Variants in GRM6 observed in about 807,000 individuals in gnomAD.
GRM6 encodes the protein metabotropic glutamate receptor 6.
Under a neutral mutation model 78.4 loss-of-function variants are expected in GRM6, and 73 were observed. That is an observed-to-expected ratio of 0.93 (90% CI 0.77 to 1.13). GRM6 has a LOEUF of 1.13. Among genes scored for constraint, GRM6 ranks in the 50% most tolerant of loss-of-function variants. The pLI, the probability that GRM6 is intolerant of heterozygous loss-of-function variation, is 0.00. For synonymous variants in GRM6, 580 were observed against 555.0 expected (o/e 1.05, Z -0.63); for missense variants, 1,251 against 1,256.4 (o/e 1.00, Z 0.07).
chr5:178,983,423 C>T lies in GRM6; in HGVS notation c.2125-202G>A, dbSNP rs145869818. On this transcript the variant is annotated intron_variant, in intron 9 of 10. Transcript: ENST00000517717. Reference sequence around the variant, plus strand: ...AGGCAGGGGCAGCCCAAGAGGGGTCCGTCCAAAGGCCCGTGACCTGGCAGC... The same window carrying T: ...AGGCAGGGGCAGCCCAAGAGGGGTCTGTCCAAAGGCCCGTGACCTGGCAGC... 1.2e-3 allele frequency: 865 copies of T among 701,758 alleles called. 6 individuals are homozygous for T. The African/African-American group carries it at 0.013, about 11-fold the overall frequency. 43.5% of individuals were successfully genotyped at this position (701,758 alleles called of 1,614,324 possible).
rs150290493 is a variant in GRM6 at position 178,986,432 on chromosome 5, C to T, written c.1822G>A (p.Val608Met). The change falls in exon 9 of 11, where the codon GTG (valine) becomes ATG (methionine). Residue 608 changes from valine to methionine, a missense_variant. Transcript: ENST00000517717. ...VATTTVVATF[V>M]RYNNTPIVRA... ...ACGATGGGCGTGTTGTTGTACCGCA[C>T]GAAGGTGGCCACCACCGTGGTAGTG... 1.9e-5 allele frequency: 31 copies of T among 1,613,296 alleles called. No individual in the cohort carries two copies. The highest frequency in any genetic ancestry group is 9.3e-5 in the African/African-American group (7 of 74,938).
At position 178,983,118 on chromosome 5, in the gene GRM6, T is replaced by G. The variant is rs144700270; in HGVS notation, c.2228A>C (p.Lys743Thr). The change falls in exon 10 of 11, where the codon AAG (lysine) becomes ACG (threonine). Residue 743 changes from lysine (K) to threonine (T), a missense_variant. Lys to Thr is a moderately conservative substitution (Grantham distance 78). Coordinates refer to ENST00000517717, the MANE Select transcript of GRM6 (RefSeq NM_000843.4). ...GAGAGACAGATCCGACATGTCGCAC[T>G]TGAGCACCCCTCTGGCCTGCTCGGG... is the stretch of plus-strand genomic sequence containing the variant. ...VDPEQARGVL[K>T]CDMSDLSLIG... 2.5e-6 allele frequency: 4 copies of G among 1,614,082 alleles called. No individual in the cohort carries two copies. The highest frequency in any genetic ancestry group is 2.7e-5 in the African/African-American group (2 of 75,034).
intron 9 of GRM6, chr5:178,983,432 G>T (rs773163025): frequency 1.0e-5 from 7 of 699,938 alleles, no homozygotes; most frequent in South Asian, 9.0e-5. Context: ...CCGTCCAAAG[G>T]CCCGTGACCT....
intron 4 of GRM6, 53 bp from the exon 5 acceptor site, chr5:178,990,799 G>A (rs762645922): frequency 8.4e-6 from 12 of 1,436,050 alleles, no homozygotes; most frequent in South Asian, 2.5e-5. Flanking sequence ...CCTCCAGCTC[G>A]GCCCCCATCC....
chr5:178,981,182 TG>T lies in GRM6; in HGVS notation c.*474del. The T allele has an allele frequency of 5.6e-6, 1 of 179,796 alleles. No homozygotes were observed. Among genetic ancestry groups the T allele is most frequent in the Admixed American group, 5.4e-5 (1 of 18,362 alleles). The allele number at this position is 179,796 out of a possible 1,614,324, so 11.1% of individuals were successfully genotyped here. On this transcript the variant is annotated 3_prime_UTR_variant, in exon 11 of 11. Coordinates refer to ENST00000517717, the MANE Select transcript of GRM6 (RefSeq NM_000843.4). This position sits in a 1 kb window ranked among gnomAD's most constrained non-coding sequence, Gnocchi z 5.1. ...CCAGGCCTGAGTGCCTCCATCCAGA[TG>T]CACAGCCCCAGGTCTCCTCTTGCTG...
intron 6 of GRM6, 54 bp downstream of exon 6, chr5:178,989,211 A>AGCCCCCCCCCCC: frequency 8.2e-6 from 1 of 121,720 alleles, no homozygotes; most frequent in Non-Finnish European, 1.3e-5. Context: ...CCCCCTCCCC[A>AGCCCCCCCCCCC]CCCTCACCAC....
chr5:178,992,156 C>A lies in GRM6; in HGVS notation c.505-73G>T. On this transcript the variant is annotated intron_variant, in intron 2 of 10. Coordinates refer to ENST00000517717, the MANE Select transcript of GRM6 (RefSeq NM_000843.4). The surrounding 1 kb of genome is among the most constrained non-coding windows in gnomAD (Gnocchi z 4.9). ...CAAGAGAGGGAGGGTAAGGGGGGCC[C>A]AGGACACGGACGGGGCACAGAAGGT... is the stretch of plus-strand genomic sequence containing the variant. 1 of 1,006,420 alleles carries A rather than the reference C, an allele frequency of 9.9e-7. No homozygotes were observed. Among genetic ancestry groups the A allele is most frequent in the Non-Finnish European group, 1.5e-6 (1 of 647,226 alleles). 62.3% of individuals were successfully genotyped at this position (1,006,420 alleles called of 1,614,324 possible).
chr5:178,986,060 C>A (rs1026500711), intron 9 of GRM6, 70 bp downstream of exon 9: 1 of 1,426,570 alleles, frequency 7.0e-7, no homozygotes, highest in Admixed American at 2.0e-5. Context: ...CTGTGCCTGG[C>A]CCTTTTGGCT....
intron 9 of GRM6, among the ~76,000 whole-genome samples, chr5:178,984,947 T>C (rs556967950): frequency 1.2e-4 from 19 of 152,248 alleles, no homozygotes; most frequent in Non-Finnish European, 2.4e-4. Context: ...TCTCTCGTAC[T>C]CTTCACACAG....
At position 178,981,829 on chromosome 5, in the gene GRM6, G is replaced by A. The variant is rs766938162; in HGVS notation, c.2462C>T (p.Thr821Ile). The A allele has an allele frequency of 6.2e-7, 1 of 1,612,744 alleles. No individual in the cohort carries two copies. Among genetic ancestry groups the A allele is most frequent in the Non-Finnish European group, 8.5e-7 (1 of 1,178,720 alleles). ...CGAGGCACTCAGGCTCAAGGACACG[G>A]TTAGCGTGGTTGTCTGGATGTAGAT... ...EKIYIQTTTL[T>I]VSLSLSASVS... The change falls in exon 11 of 11, where the codon ACC (threonine) becomes ATC (isoleucine). Residue 821 changes from threonine (T) to isoleucine (I), a missense_variant. Thr to Ile is a moderately conservative substitution (Grantham distance 89). Transcript: ENST00000517717. This position sits in a 1 kb window ranked among gnomAD's most constrained non-coding sequence, Gnocchi z 5.1.
intron 2 of GRM6, among the ~76,000 whole-genome samples, chr5:178,993,329 C>G (rs1760714795): frequency 6.6e-6 from 1 of 152,146 alleles, no homozygotes; most frequent in East Asian, 1.9e-4. Context: ...ACCTAGAGGA[C>G]AGAGACAGAA....
rs752579639 is a variant in GRM6 at position 178,986,247 on chromosome 5, G to A, written c.2007C>T (p.Leu669=). ...TGCGGTAGATACGGTTGGTCTTGGTGAGCAGGGCAGAGTAGCTGAGGGTCG... is the reference window on the plus strand; with the variant it reads ...TGCGGTAGATACGGTTGGTCTTGGTAAGCAGGGCAGAGTAGCTGAGGGTCG... The part of the protein sequence containing the change: ...LGTTLSYSAL[L]TKTNRIYRIF... Residue 669 remains leucine (L), a synonymous_variant, in exon 9 of 11, where the codon CTC becomes CTT. Transcript: ENST00000517717. 1.6e-5 allele frequency: 26 copies of A among 1,614,058 alleles called. No homozygotes were observed. The highest frequency in any genetic ancestry group is 5.0e-5 in the Admixed American group (3 of 60,004).
intron 7 of GRM6, chr5:178,987,218 A>T (rs1428675692): frequency 3.0e-6 from 2 of 665,318 alleles, no homozygotes; most frequent in Non-Finnish European, 5.5e-6. Flanking sequence ...ACCCTTGTGC[A>T]CGGTGGGTGG....
rs370045948 is a variant in GRM6 at position 178,983,367 on chromosome 5, G to A, written c.2125-146C>T. 1.7e-5 allele frequency: 13 copies of A among 764,314 alleles called. No homozygotes were observed. In the African/African-American group the frequency reaches 1.7e-4, roughly 10 times the overall value. The allele number at this position is 764,314 out of a possible 1,614,324, so 47.3% of individuals were successfully genotyped here. ...CACCTCTTCGTGGTGGCTCTCAGGA[G>A]CACTCAGTGGAGAAGAGGGGATGGC... On this transcript the variant is annotated intron_variant, in intron 9 of 10. Transcript: ENST00000517717.
In GRM6 at chr5:178,983,177, G is replaced by T; in HGVS notation, c.2169C>A (p.Ser723Arg). The change falls in exon 10 of 11, where the codon AGC (serine) becomes AGA (arginine). Residue 723 changes from serine to arginine, a missense_variant. Transcript: ENST00000517717. ...IAWLGARPPH[S>R]VIDYEEQRTV... is the part of the protein sequence containing the mutation. The stretch of plus-strand genomic sequence containing the variant: ...TCCGCTGTTCCTCATAGTCAATCAC[G>T]CTGTGTGGGGGCCGGGCCCCCAGCC... The T allele has an allele frequency of 2.5e-6, 4 of 1,613,572 alleles. No individual in the cohort carries two copies. Among genetic ancestry groups the T allele is most frequent in the East Asian group, 2.2e-5 (1 of 44,872 alleles).
intron 2 of GRM6, 119 bp downstream of exon 2, chr5:178,994,322 A>T: frequency 1.2e-6 from 1 of 860,940 alleles, no homozygotes. Flanking sequence ...ACGCTGTGTG[A>T]ATTCGAGTGA....
At position 178,992,182 on chromosome 5, in the gene GRM6, G is replaced by T; in HGVS notation, c.505-99C>A. ...AGGACACGGACGGGGCACAGAAGGTGTGTGGCATGGACCTGGGACACAGAT... is the reference window on the plus strand; with the variant it reads ...AGGACACGGACGGGGCACAGAAGGTTTGTGGCATGGACCTGGGACACAGAT... On this transcript the variant is annotated intron_variant, in intron 2 of 10. Coordinates refer to ENST00000517717, the MANE Select transcript of GRM6 (RefSeq NM_000843.4). The surrounding 1 kb of genome is among the most constrained non-coding windows in gnomAD (Gnocchi z 4.9). The T allele has an allele frequency of 2.5e-6, 2 of 807,546 alleles. No individual in the cohort carries two copies. Among genetic ancestry groups the T allele is most frequent in the Non-Finnish European group, 4.2e-6 (2 of 479,788 alleles). The allele number at this position is 807,546 out of a possible 1,614,324, so 50.0% of individuals were successfully genotyped here. A position where few individuals can be genotyped will look rare whatever the true frequency, so the allele number is the denominator to read the frequency against.
Position 178,986,767 on chromosome 5 carries a change from AAC to A in GRM6, c.1501-16_1501-15del, listed in dbSNP as rs747381091. ...CAGGGCCTCCACCTGGGACGCACAA[AAC>A]ACAGGCTGGGGCGTCTGCCTCCGGG... On this transcript the variant is annotated splice_polypyrimidine_tract_variant and intron_variant, in intron 8 of 10. Transcript: ENST00000517717. The A allele has an allele frequency of 1.2e-6, 2 of 1,609,964 alleles. No homozygotes were observed. Among genetic ancestry groups the A allele is most frequent in the East Asian group, 2.2e-5 (1 of 44,828 alleles).
intron 2 of GRM6, among the ~76,000 whole-genome samples, chr5:178,994,219 C>A (rs2113346992): frequency 6.6e-6 from 1 of 152,340 alleles, no homozygotes; most frequent in African/African-American, 2.4e-5. Flanking sequence ...CGGGAAGGGG[C>A]GCCCTCGCGG....
Sources: allele counts gnomAD v4.1 joint callset (sites outside exome capture counted in the v4.1 genomes callset), GRCh38; gene constraint gnomAD v4.1.1; non-coding constraint Gnocchi (gnomAD v3.1); transcripts MANE v1.5; gene names NCBI Gene and HGNC (gene_info 2026-07-23, HGNC 2026-07-21).